The following IL1RAPL2 variants were observed in gnomAD, a reference collection of about 807,000 sequenced individuals.
IL1RAPL2 encodes the protein interleukin 1 receptor accessory protein like 2, also known as X-linked interleukin-1 receptor accessory protein-like 2.
IL1RAPL2 carries 3 observed loss-of-function variants against 44.1 expected under a neutral mutation model. The ratio of observed to expected loss-of-function variants is 0.07; its 90% CI spans 0.03 to 0.18. The LOEUF (loss-of-function observed/expected upper bound fraction) is 0.18, where lower values mean the gene tolerates loss of function less well. Among genes scored for constraint, IL1RAPL2 ranks in the 10% least tolerant of loss-of-function variants. IL1RAPL2 has a pLI of 1.00. For missense variants in IL1RAPL2, 391 were observed against 496.4 expected, an observed-to-expected ratio of 0.79 and a Z score of 2.02; for synonymous variants, 181 against 178.8, an observed-to-expected ratio of 1.01 and a Z score of -0.10.
intron 5 of IL1RAPL2, among the ~76,000 whole-genome samples, chrX:105,388,003 C>T (rs2035490035): frequency 1.9e-5 from 2 of 106,422 alleles, no homozygotes; most frequent in African/African-American, 3.4e-5. Flanking sequence ...ACAAAATTAG[C>T]TGGGCATGGT....
intron 2 of IL1RAPL2, among the ~76,000 whole-genome samples, chrX:104,868,752 C>G (rs965236354): frequency 8.9e-6 from 1 of 112,066 alleles, no homozygotes; most frequent in Non-Finnish European, 1.9e-5. Context: ...TTAATTTCTA[C>G]ACAAATCAAT....
intron 2 of IL1RAPL2, among the ~76,000 whole-genome samples, chrX:104,745,492 A>C (rs760218655): frequency 4.4e-5 from 5 of 112,378 alleles, no homozygotes; most frequent in Admixed American, 9.4e-5. Flanking sequence ...TGCATAACAA[A>C]TTTATGCAAA....
At chrX:105,542,408 A>G (rs2036745395) in intron 6 of IL1RAPL2, among the ~76,000 whole-genome samples, 1 of 111,914 alleles carries the variant, frequency 8.9e-6, no homozygotes, top group Admixed American at 9.5e-5. Context: ...TCTCTCTTCA[A>G]AGAACGTAGA....
chrX:104,571,463 G>A (rs1478685605), intron 1 of IL1RAPL2, among the ~76,000 whole-genome samples: 1 of 111,604 alleles, frequency 9.0e-6, no homozygotes. Context: ...ATGGGGCCAG[G>A]TGGAGATAAT....
intron 3 of IL1RAPL2, among the ~76,000 whole-genome samples, chrX:105,233,253 C>T (rs1312524699): frequency 8.9e-6 from 1 of 111,746 alleles, no homozygotes; most frequent in Non-Finnish European, 1.9e-5. Flanking sequence ...CACTGCACTC[C>T]AGCCTGGGCG....
intron 7 of IL1RAPL2, among the ~76,000 whole-genome samples, chrX:105,725,596 C>A (rs2038343384): frequency 9.0e-6 from 1 of 111,149 alleles, no homozygotes; most frequent in African/African-American, 3.3e-5. Context: ...CTAATAATGA[C>A]CCACTCTTTT....
intron 1 of IL1RAPL2, among the ~76,000 whole-genome samples, chrX:104,618,402 G>A (rs1277129990): frequency 1.8e-5 from 2 of 112,374 alleles, no homozygotes; most frequent in Non-Finnish European, 1.9e-5. Flanking sequence ...GCAGGCATAA[G>A]CACTGAGGGT....
In IL1RAPL2 at chrX:105,265,176, A is replaced by G. The variant is rs142064110; in HGVS notation, c.544-2212A>G. Among the ~76,000 whole-genome samples the G allele has an allele frequency of 4.1e-3, 463 of 112,307 alleles. 1 individual carries two copies. The highest frequency in any genetic ancestry group is 0.014 in the African/African-American group (436 of 30,976). On this transcript the variant is annotated intron_variant, in intron 4 of 10. Coordinates refer to ENST00000372582, the MANE Select transcript of IL1RAPL2 (RefSeq NM_017416.2). Reference sequence around the variant, plus strand: ...AGAAAATGACACCATTTGTCTTTGAATGAGTGTGTGGGCTTATTTGCCCAC... The same window carrying G: ...AGAAAATGACACCATTTGTCTTTGAGTGAGTGTGTGGGCTTATTTGCCCAC...
intron 2 of IL1RAPL2, among the ~76,000 whole-genome samples, chrX:105,031,322 A>C (rs745903329): frequency 2.8e-5 from 3 of 108,142 alleles, no homozygotes; most frequent in Non-Finnish European, 5.7e-5. Context: ...GTCTTGTGCC[A>C]GTTTTCAAAG....
chrX:105,245,170 G>A lies in IL1RAPL2; in HGVS notation c.543+11166G>A, dbSNP rs775010496. 1.2e-4 allele frequency among the ~76,000 whole-genome samples: 14 copies of A among 112,199 alleles called. No individual in the cohort carries two copies. In the East Asian group the frequency reaches 3.6e-3, roughly 29 times the overall value. ...TGAAAACTATTGCTTTGCATGATCC[G>A]TTTTCCAGGTGTCTTTTCAAATATA... On this transcript the variant is annotated intron_variant, in intron 4 of 10. Coordinates refer to ENST00000372582, the MANE Select transcript of IL1RAPL2 (RefSeq NM_017416.2).
At chrX:104,692,789 G>T (rs959739753) in intron 2 of IL1RAPL2, among the ~76,000 whole-genome samples, 2 of 111,559 alleles carry the variant, frequency 1.8e-5, no homozygotes, top group African/African-American at 6.5e-5. Context: ...ATTGTGAATA[G>T]TGCCGCTATA....
chrX:105,078,861 G>A lies in IL1RAPL2; in HGVS notation c.83-116614G>A, dbSNP rs775284805. On this transcript the variant is annotated intron_variant, in intron 2 of 10. Transcript: ENST00000372582. The stretch of plus-strand genomic sequence containing the variant: ...GCGGGATATAATCTCCTGGTGTGCC[G>A]TTTGTTAAGCCCGTTGGGAGGGCGC... 1.9e-4 allele frequency among the ~76,000 whole-genome samples: 21 copies of A among 112,683 alleles called. No homozygotes were observed. The East Asian group carries it at 2.0e-3, about 11-fold the overall frequency.
chrX:104,855,341 G>T (rs1459310978), intron 2 of IL1RAPL2, among the ~76,000 whole-genome samples: 5 of 111,322 alleles, frequency 4.5e-5, no homozygotes, highest in Non-Finnish European at 1.9e-5. Context: ...ATTCAAATGA[G>T]CTAGGGATCA....
chrX:105,249,521 T>C (rs2034252047), intron 4 of IL1RAPL2, among the ~76,000 whole-genome samples: 1 of 111,861 alleles, frequency 8.9e-6, no homozygotes, highest in Admixed American at 9.5e-5. Flanking sequence ...ACACAAAAGA[T>C]AGATGCTTGA....
intron 2 of IL1RAPL2, among the ~76,000 whole-genome samples, chrX:104,685,925 C>T (rs1050250299): frequency 9.3e-6 from 1 of 107,581 alleles, no homozygotes; most frequent in African/African-American, 3.4e-5. Context: ...GAGACTCTGT[C>T]TCAAAATAAA....
intron 5 of IL1RAPL2, among the ~76,000 whole-genome samples, chrX:105,447,108 A>AAATATAAATATAAATATATATATGAATAT (rs2035964149): frequency 4.9e-5 from 1 of 20,600 alleles, no homozygotes; most frequent in African/African-American, 2.4e-4. Flanking sequence ...TATATATATA[A>AAATATAAATATAAATATATATATGAATAT]AAATATATAT....
intron 6 of IL1RAPL2, among the ~76,000 whole-genome samples, chrX:105,713,480 A>G (rs1000708102): frequency 4.5e-5 from 5 of 111,164 alleles, no homozygotes; most frequent in African/African-American, 1.6e-4. Context: ...ATCAGATCTC[A>G]TGAGAACTCC....
At chrX:105,442,376 C>G in intron 5 of IL1RAPL2, among the ~76,000 whole-genome samples, 1 of 111,298 alleles carries the variant, frequency 9.0e-6, no homozygotes, top group Non-Finnish European at 1.9e-5. Flanking sequence ...GAATTGGGTT[C>G]TTATTACCTA....
At chrX:105,470,843 A>C (rs772194292) in intron 5 of IL1RAPL2, among the ~76,000 whole-genome samples, 19 of 111,419 alleles carry the variant, frequency 1.7e-4, no homozygotes, top group Admixed American at 1.3e-3. Flanking sequence ...TTTTGAAGTG[A>C]GTGAGTCTTG....
Sources: allele counts gnomAD v4.1 joint callset (sites outside exome capture counted in the v4.1 genomes callset), GRCh38; gene constraint gnomAD v4.1.1; transcripts MANE v1.5; gene names NCBI Gene and HGNC (gene_info 2026-07-23, HGNC 2026-07-21).